Variants in NKD2 observed in about 807,000 individuals in gnomAD.
The protein encoded by NKD2 is NKD inhibitor of Wnt signaling pathway 2.
In NKD2, 43 loss-of-function variants were observed where a neutral mutation model predicts 34.8. The observed-to-expected ratio is 1.24, with a 90% CI of 0.97 to 1.60. NKD2 has a LOEUF of 1.60. Among genes scored for constraint, NKD2 ranks in the 40% most tolerant of loss-of-function variants. NKD2 has a pLI of 0.00. For synonymous variants in NKD2, 278 were observed against 265.1 expected, an observed-to-expected ratio of 1.05 and a Z score of -0.47; for missense variants, 675 against 627.1, an observed-to-expected ratio of 1.08 and a Z score of -0.82.
intron 9 of NKD2, chr5:1,037,564 A>C: frequency 6.5e-7 from 1 of 1,535,950 alleles, no homozygotes; most frequent in Non-Finnish European, 8.7e-7. Flanking sequence ...CAGGACACAC[A>C]GTGGGGACAA....
At chr5:1,018,719 G>GC (rs1579252242) in intron 3 of NKD2, among the ~76,000 whole-genome samples, 1 of 152,174 alleles carries the variant, frequency 6.6e-6, no homozygotes, top group African/African-American at 2.4e-5. Flanking sequence ...GATGCTTCTG[G>GC]CCGGTGGTCA....
chr5:1,019,238 C>T (rs1283516230), intron 3 of NKD2, among the ~76,000 whole-genome samples: 1 of 152,184 alleles, frequency 6.6e-6, no homozygotes, highest in African/African-American at 2.4e-5. Flanking sequence ...TCTTTGTGTG[C>T]GGCTCAGAGC....
chr5:1,018,773 G>A (rs1354838401), intron 3 of NKD2, among the ~76,000 whole-genome samples: 1 of 152,126 alleles, frequency 6.6e-6, no homozygotes, highest in Non-Finnish European at 1.5e-5. Flanking sequence ...TGTATGAGGG[G>A]AGCCCTGCCC....
At position 1,034,178 on chromosome 5, in the gene NKD2, G is replaced by C. The variant is rs534488193; in HGVS notation, c.331-57G>C. The C allele has an allele frequency of 3.9e-4, 490 of 1,243,172 alleles. 2 individuals are homozygous for C. The African/African-American group carries it at 6.2e-3, about 16-fold the overall frequency. 77.0% of individuals were successfully genotyped at this position (1,243,172 alleles called of 1,614,324 possible). ...CCCAGAAGATCCTTCCCCCTGTGGAGTTGGGCGTGTTGGCGTGGGTAGGAG... is the reference window on the plus strand; with the variant it reads ...CCCAGAAGATCCTTCCCCCTGTGGACTTGGGCGTGTTGGCGTGGGTAGGAG... On this transcript the variant is annotated intron_variant, in intron 5 of 9. Transcript: ENST00000296849.
intron 3 of NKD2, among the ~76,000 whole-genome samples, chr5:1,014,708 C>T (rs1755879942): frequency 6.6e-6 from 1 of 152,194 alleles, no homozygotes; most frequent in Admixed American, 6.5e-5. Flanking sequence ...TCGGCTCTTT[C>T]TATTTCTCAG....
Position 1,009,417 on chromosome 5 carries a change from G to A in NKD2, c.62-64G>A. ...ACAGCGAAGGCGCAGCGCCCGCGGG[G>A]CTCACGGCGCGTCTCTTTCCCTCCT... On this transcript the variant is annotated intron_variant, in intron 2 of 9. Coordinates refer to ENST00000296849, the MANE Select transcript of NKD2 (RefSeq NM_033120.4). The surrounding 1 kb of genome is among the most constrained non-coding windows in gnomAD (Gnocchi z 6.9). 1.5e-6 allele frequency: 2 copies of A among 1,368,508 alleles called. No individual in the cohort carries two copies. The highest frequency in any genetic ancestry group is 1.3e-5 in the South Asian group (1 of 76,440). The allele number at this position is 1,368,508 out of a possible 1,614,324, so 84.8% of individuals were successfully genotyped here.
chr5:1,035,379 C>T lies in NKD2; in HGVS notation c.575-10C>T, dbSNP rs1432753042. ...GGAGGGAGTGAGTAATGGCAGGACC[C>T]CCCTTTCAGACCGGGAGCCCACCCG... On this transcript the variant is annotated splice_polypyrimidine_tract_variant and intron_variant, in intron 7 of 9. Coordinates refer to ENST00000296849, the MANE Select transcript of NKD2 (RefSeq NM_033120.4). 1 of 1,554,302 alleles carries T rather than the reference C, an allele frequency of 6.4e-7. No individual in the cohort carries two copies. Among genetic ancestry groups the T allele is most frequent in the African/African-American group, 1.4e-5 (1 of 73,318 alleles).
chr5:1,038,278 G>T lies in NKD2; in HGVS notation c.1261G>T (p.Glu421Ter). ...VRDLPPTPAG[E>*]GYAVPVIQRH... ...GGACCTGCCGCCCACGCCAGCAGGA[G>T]AGGGCTACGCGGTGCCAGTGATCCA... Residue 421 changes from glutamate to a stop codon, truncating the protein, a stop_gained, in exon 10 of 10, where the codon GAG becomes TAG. Coordinates refer to ENST00000296849, the MANE Select transcript of NKD2 (RefSeq NM_033120.4). LOFTEE classifies it low-confidence loss of function (END_TRUNC). This position sits in a 1 kb window ranked among gnomAD's most constrained non-coding sequence, Gnocchi z 4.5. 2 of 1,568,294 alleles carry T rather than the reference G, an allele frequency of 1.3e-6. No individual in the cohort carries two copies. Among genetic ancestry groups the T allele is most frequent in the South Asian group, 2.3e-5 (2 of 86,382 alleles).
intron 3 of NKD2, among the ~76,000 whole-genome samples, chr5:1,010,999 C>T (rs1313616586): frequency 6.6e-6 from 1 of 152,212 alleles, no homozygotes; most frequent in Non-Finnish European, 1.5e-5. Flanking sequence ...GCAGGTGCTC[C>T]TCATGTGACT....
intron 5 of NKD2, 43 bp from the exon 6 acceptor site, chr5:1,034,192 C>A: frequency 1.4e-6 from 2 of 1,424,334 alleles, no homozygotes; most frequent in Non-Finnish European, 2.0e-6. Flanking sequence ...GGCGTGTTGG[C>A]GTGGGTAGGA....
At chr5:1,010,023 T>G (rs1755689247) in intron 3 of NKD2, among the ~76,000 whole-genome samples, 1 of 151,824 alleles carries the variant, frequency 6.6e-6, no homozygotes. Context: ...ATGGCCAGAG[T>G]CAGAGGCCTC....
At chr5:1,017,037 C>T (rs559658386) in intron 3 of NKD2, among the ~76,000 whole-genome samples, 1 of 151,108 alleles carries the variant, frequency 6.6e-6, no homozygotes, top group East Asian at 2.0e-4. Context: ...CAACCTCATC[C>T]TCGTCCTTCC....
At chr5:1,032,866 G>C (rs1013590281) in intron 4 of NKD2, among the ~76,000 whole-genome samples, 1 of 152,234 alleles carries the variant, frequency 6.6e-6, no homozygotes, top group African/African-American at 2.4e-5. Context: ...AAGTGCTGGA[G>C]AATAACGGAA....
intron 3 of NKD2, among the ~76,000 whole-genome samples, chr5:1,012,973 G>A (rs563573615): frequency 2.0e-5 from 3 of 152,224 alleles, no homozygotes; most frequent in South Asian, 2.1e-4. Context: ...GATGCAGGGT[G>A]GGGGCAAGAT....
chr5:1,014,126 TCTC>T (rs1212385310), intron 3 of NKD2, among the ~76,000 whole-genome samples: 3 of 152,210 alleles, frequency 2.0e-5, no homozygotes, highest in African/African-American at 2.4e-5. Context: ...TGCACCCTGT[TCTC>T]CTCAGTGGGC....
chr5:1,019,032 G>C (rs1756068989), intron 3 of NKD2, among the ~76,000 whole-genome samples: 1 of 152,196 alleles, frequency 6.6e-6, no homozygotes, highest in East Asian at 1.9e-4. Context: ...CTGGGTCAAA[G>C]GGCATAGCGA....
intron 3 of NKD2, among the ~76,000 whole-genome samples, chr5:1,017,276 C>T (rs1755997150): frequency 6.6e-6 from 1 of 152,200 alleles, no homozygotes; most frequent in South Asian, 2.1e-4. Context: ...CCACCATCAC[C>T]GCCTGCTCTC....
chr5:1,018,076 G>T (rs976632431), intron 3 of NKD2, among the ~76,000 whole-genome samples: 6 of 152,156 alleles, frequency 3.9e-5, no homozygotes, highest in African/African-American at 1.2e-4. Context: ...GCAGGAGTAG[G>T]CCTGGAGGAC....
chr5:1,028,324 C>T (rs568425693), intron 3 of NKD2, among the ~76,000 whole-genome samples: 14 of 152,282 alleles, frequency 9.2e-5, no homozygotes, highest in Admixed American at 2.6e-4. Context: ...TTGTTGACGC[C>T]GTGTGACAGA....
Sources: gnomAD v4.1 joint callset for allele counts (sites outside exome capture counted in the v4.1 genomes callset) on GRCh38, gnomAD v4.1.1 for gene constraint, Gnocchi (gnomAD v3.1) non-coding constraint, MANE v1.5 for transcripts, NCBI Gene and HGNC (gene_info 2026-07-23, HGNC 2026-07-21) for gene names.